Variants in CRIM1 observed in about 807,000 individuals in gnomAD.
The protein encoded by CRIM1 is cysteine rich transmembrane BMP regulator 1, also known as cysteine-rich motor neuron 1 protein.
CRIM1 carries 32 observed loss-of-function variants against 116.4 expected under a neutral mutation model. The observed-to-expected ratio is 0.27, with a 90% CI of 0.21 to 0.37. The LOEUF is 0.37. Ranked by LOEUF, CRIM1 falls within the 10% of genes least tolerant of loss-of-function variation. The probability of loss-of-function intolerance (pLI) is 1.00; values close to 1 mark genes in which losing one functional copy is unlikely to be tolerated. For synonymous variants in CRIM1, 590 were observed against 509.2 expected (o/e 1.16, Z -2.13); for missense variants, 1,331 against 1,354.8 (o/e 0.98, Z 0.28).
chr2:36,498,584 A>C (rs571412193), intron 7 of CRIM1, among the ~76,000 whole-genome samples: 1 of 152,220 alleles, frequency 6.6e-6, no homozygotes, highest in Admixed American at 6.5e-5. Context: ...CCTTATTCCC[A>C]GCATGGCTGC....
Position 36,478,000 on chromosome 2 carries a change from A to G in CRIM1, c.1174+929A>G, listed in dbSNP as rs557328952. Among the ~76,000 whole-genome samples the G allele has an allele frequency of 1.2e-4, 19 of 152,298 alleles. No homozygotes were observed. The South Asian group carries it at 2.5e-3, about 20-fold the overall frequency. On this transcript the variant is annotated intron_variant, in intron 6 of 16. Coordinates refer to ENST00000280527, the MANE Select transcript of CRIM1 (RefSeq NM_016441.3). ...GTCCTAACCAGGCCCCAGATCTTCA[A>G]TCTGAAGTCGCATGTGTTAATCTTA...
At chr2:36,429,542 C>G (rs1249500735) in intron 2 of CRIM1, among the ~76,000 whole-genome samples, 1 of 152,148 alleles carries the variant, frequency 6.6e-6, no homozygotes, top group Non-Finnish European at 1.5e-5. Flanking sequence ...GTCCTCTATA[C>G]CTTGAGCCAG....
At chr2:36,467,468 T>C (rs537105314) in intron 5 of CRIM1, among the ~76,000 whole-genome samples, 1 of 152,362 alleles carries the variant, frequency 6.6e-6, no homozygotes, top group South Asian at 2.1e-4. Flanking sequence ...GAAAAATCTG[T>C]TGTTGTAAGG....
chr2:36,381,545 A>G (rs1005096395), intron 1 of CRIM1, among the ~76,000 whole-genome samples: 1 of 152,188 alleles, frequency 6.6e-6, no homozygotes, highest in Non-Finnish European at 1.5e-5. Flanking sequence ...TGGATGAGAA[A>G]AGGAATGTCC....
At chr2:36,537,297 A>C in intron 13 of CRIM1, 55 bp from the exon 14 acceptor site, 1 of 1,495,186 alleles carries the variant, frequency 6.7e-7, no homozygotes, top group Non-Finnish European at 9.3e-7. Context: ...ACGTCTAATA[A>C]GATCGTGTGC....
intron 1 of CRIM1, among the ~76,000 whole-genome samples, chr2:36,373,569 A>C (rs1026962485): frequency 3.3e-5 from 5 of 152,204 alleles, no homozygotes; most frequent in Non-Finnish European, 7.3e-5. Context: ...TTTGTGATAG[A>C]GAAAGCAAAC....
At chr2:36,377,472 C>T (rs994509177) in intron 1 of CRIM1, among the ~76,000 whole-genome samples, 15 of 152,200 alleles carry the variant, frequency 9.9e-5, no homozygotes, top group African/African-American at 3.6e-4. Flanking sequence ...AGTGCATAGT[C>T]CAGCCTGGCG....
At position 36,477,006 on chromosome 2, in the gene CRIM1, A is replaced by G; in HGVS notation, c.1109A>G (p.Gln370Arg). 1.2e-6 allele frequency: 2 copies of G among 1,613,630 alleles called. No homozygotes were observed. The highest frequency in any genetic ancestry group is 1.7e-6 in the Non-Finnish European group (2 of 1,179,626). ...QGGVAICFTA[Q>R]CGEINCERYY... ...GGCGTTGCCATCTGCTTCACCGCCCAGTGTGGTGAGATAAACTGCGAGAGG... is the reference window on the plus strand; with the variant it reads ...GGCGTTGCCATCTGCTTCACCGCCCGGTGTGGTGAGATAAACTGCGAGAGG... Residue 370 changes from glutamine to arginine, a missense_variant, in exon 6 of 17, where the codon CAG becomes CGG. Physicochemically the swap from Gln to Arg is conservative, Grantham distance 43. Around this residue, in one of 3 missense-constraint regions of CRIM1, gnomAD observed 690 missense variants for 676.0 expected, o/e 1.02. Transcript: ENST00000280527.
chr2:36,520,597 G>A (rs1572917830), intron 12 of CRIM1, among the ~76,000 whole-genome samples: 1 of 152,198 alleles, frequency 6.6e-6, no homozygotes, highest in African/African-American at 2.4e-5. Flanking sequence ...ACCAATGGCT[G>A]TTCTTCAACT....
chr2:36,487,250 C>G (rs1219805879), intron 7 of CRIM1, among the ~76,000 whole-genome samples: 1 of 152,160 alleles, frequency 6.6e-6, no homozygotes, highest in Admixed American at 6.6e-5. Context: ...CCTGATTACA[C>G]TTTTCCTATG....
chr2:36,510,576 G>A (rs1664597908), intron 9 of CRIM1, among the ~76,000 whole-genome samples: 1 of 152,158 alleles, frequency 6.6e-6, no homozygotes, highest in African/African-American at 2.4e-5. Context: ...TGCATCCTTA[G>A]CTGCCATGCC....
At chr2:36,465,522 T>A (rs1024310859) in intron 5 of CRIM1, among the ~76,000 whole-genome samples, 27 of 152,266 alleles carry the variant, frequency 1.8e-4, no homozygotes, top group African/African-American at 6.5e-4. Context: ...CCTGTAGGAA[T>A]TCAGATGTCA....
intron 4 of CRIM1, among the ~76,000 whole-genome samples, chr2:36,461,211 T>G (rs1677556509): frequency 6.6e-6 from 1 of 152,094 alleles, no homozygotes; most frequent in Non-Finnish European, 1.5e-5. Flanking sequence ...GAGATTGGAC[T>G]AGAACTGGAA....
chr2:36,444,325 C>T (rs1676083665), intron 4 of CRIM1, among the ~76,000 whole-genome samples: 1 of 152,324 alleles, frequency 6.6e-6, no homozygotes, highest in South Asian at 2.1e-4. Flanking sequence ...AACTTTCCCA[C>T]AACTAGTGAT....
chr2:36,544,310 G>A, intron 14 of CRIM1, 66 bp from the exon 15 acceptor site: 1 of 1,288,786 alleles, frequency 7.8e-7, no homozygotes, highest in Non-Finnish European at 1.0e-6. Context: ...CATTTGGATT[G>A]AGAATACAAA....
chr2:36,433,896 G>A (rs761436556), intron 2 of CRIM1, among the ~76,000 whole-genome samples: 7 of 151,894 alleles, frequency 4.6e-5, no homozygotes, highest in Non-Finnish European at 2.9e-5. Flanking sequence ...AGATTCCGTC[G>A]CTGTTAAATC....
chr2:36,423,636 G>A (rs1674237949), intron 2 of CRIM1, among the ~76,000 whole-genome samples: 1 of 152,172 alleles, frequency 6.6e-6, no homozygotes, highest in African/African-American at 2.4e-5. Context: ...GGTGCTACCT[G>A]ATTATGGTAC....
intron 5 of CRIM1, among the ~76,000 whole-genome samples, chr2:36,471,706 A>G (rs188273314): frequency 6.7e-6 from 1 of 149,524 alleles, no homozygotes; most frequent in Non-Finnish European, 1.5e-5. Flanking sequence ...CACTAACACT[A>G]ATGATAGCTG....
Position 36,365,996 on chromosome 2 carries a change from G to C in CRIM1, c.331+9373G>C, listed in dbSNP as rs190208025. Among the ~76,000 whole-genome samples, 41 of 152,298 alleles carry C rather than the reference G, an allele frequency of 2.7e-4. No individual in the cohort carries two copies. In the East Asian group the frequency reaches 7.7e-3, roughly 29 times the overall value. On this transcript the variant is annotated intron_variant, in intron 1 of 16. Transcript: ENST00000280527. Reference sequence around the variant, plus strand: ...CCACCTTGGCCTCCCAAAGTGCTGGGATTACAGGCGTGAGCCACCGCGCCC... The same window carrying C: ...CCACCTTGGCCTCCCAAAGTGCTGGCATTACAGGCGTGAGCCACCGCGCCC...
Sources: allele counts gnomAD v4.1 joint callset (sites outside exome capture counted in the v4.1 genomes callset), GRCh38; gene constraint gnomAD v4.1.1; regional missense constraint gnomAD v4.1.1; transcripts MANE v1.5; gene names NCBI Gene and HGNC (gene_info 2026-07-23, HGNC 2026-07-21).